Variants in RNLS observed in about 807,000 individuals in gnomAD.
RNLS encodes the protein renalase.
Under a neutral mutation model 39.8 loss-of-function variants are expected in RNLS, and 39 were observed. The ratio of observed to expected loss-of-function variants is 0.98; its 90% confidence interval spans 0.76 to 1.28. The LOEUF (loss-of-function observed/expected upper bound fraction) is 1.28. Among genes scored for constraint, RNLS ranks in the 50% most tolerant of loss-of-function variants. The probability of loss-of-function intolerance (pLI) is 0.00; values close to 1 mark genes in which losing one functional copy is unlikely to be tolerated. For missense variants in RNLS, 410 were observed against 413.3 expected (o/e 0.99, Z 0.07); for synonymous variants, 147 against 150.7 (o/e 0.98, Z 0.18).
At chr10:88,507,024 A>G (rs1311411425) in intron 4 of RNLS, among the ~76,000 whole-genome samples, 1 of 152,154 alleles carries the variant, frequency 6.6e-6, no homozygotes, top group Non-Finnish European at 1.5e-5. Context: ...CAGAGAGTCA[A>G]TAACATCATC....
intron 4 of RNLS, among the ~76,000 whole-genome samples, chr10:88,542,118 T>C (rs1169483444): frequency 6.6e-6 from 1 of 152,152 alleles, no homozygotes; most frequent in African/African-American, 2.4e-5. Flanking sequence ...CCCTGTGATA[T>C]AAAAACTTCA....
At chr10:88,420,347 C>T (rs1419665814) in intron 4 of RNLS, among the ~76,000 whole-genome samples, 2 of 152,130 alleles carry the variant, frequency 1.3e-5, no homozygotes, top group Admixed American at 1.3e-4. Flanking sequence ...ATACAGCTAT[C>T]TTAGTTTTCT....
At chr10:88,358,492 G>C (rs1440967673) in intron 5 of RNLS, among the ~76,000 whole-genome samples, 1 of 152,146 alleles carries the variant, frequency 6.6e-6, no homozygotes, top group Non-Finnish European at 1.5e-5. Flanking sequence ...TTTTCTGTAG[G>C]AATATCCTTT....
At chr10:88,453,296 T>C (rs1037799213) in intron 4 of RNLS, among the ~76,000 whole-genome samples, 6 of 152,238 alleles carry the variant, frequency 3.9e-5, no homozygotes, top group Non-Finnish European at 7.3e-5. Context: ...AAGGGTCATA[T>C]GTTCAGCTCA....
the RNLS span, among the ~76,000 whole-genome samples, chr10:88,215,691 ATTTTTTTTT>A: frequency 9.4e-5 from 9 of 95,432 alleles, no homozygotes; most frequent in African/African-American, 3.7e-4. Context: ...ACCATCTGTA[ATTTTTTTTT>A]TTTTTTTTTT....
intron 4 of RNLS, among the ~76,000 whole-genome samples, chr10:88,389,725 A>G (rs1370931972): frequency 6.6e-6 from 1 of 152,350 alleles, no homozygotes; most frequent in Middle Eastern, 3.4e-3. Flanking sequence ...AAGGAGCAAC[A>G]TTAAATACAA....
intron 4 of RNLS, among the ~76,000 whole-genome samples, chr10:88,543,514 T>C (rs1848150165): frequency 6.6e-6 from 1 of 152,208 alleles, no homozygotes; most frequent in African/African-American, 2.4e-5. Flanking sequence ...GGCTGTCTAG[T>C]TGTGAAAGTT....
At chr10:88,515,588 C>T (rs1453384160) in intron 4 of RNLS, among the ~76,000 whole-genome samples, 1 of 152,034 alleles carries the variant, frequency 6.6e-6, no homozygotes, top group East Asian at 1.9e-4. Flanking sequence ...GCACTCTGAT[C>T]AGAACATCAC....
intron 4 of RNLS, among the ~76,000 whole-genome samples, chr10:88,372,583 A>C (rs1427559153): frequency 3.3e-5 from 5 of 152,160 alleles, no homozygotes; most frequent in Non-Finnish European, 4.4e-5. Context: ...TTAGAAAAAA[A>C]TGAACATTTT....
At chr10:88,248,005 A>G in the RNLS span, among the ~76,000 whole-genome samples, 11 of 152,204 alleles carry the variant, frequency 7.2e-5, no homozygotes, top group Non-Finnish European at 1.6e-4. Context: ...CCTTGATGTG[A>G]GCTCAGAGAT....
chr10:88,284,885 A>G lies in RNLS; in HGVS notation c.*469T>C. 1.0e-6 allele frequency: 1 copy of G among 985,858 alleles called. No homozygotes were observed. Among genetic ancestry groups the G allele is most frequent in the Non-Finnish European group, 1.2e-6 (1 of 830,238 alleles). The allele number at this position is 985,858 out of a possible 1,614,324, so 61.1% of individuals were successfully genotyped here. A position where few individuals can be genotyped will look rare whatever the true frequency, so the allele number is the denominator to read the frequency against. Reference sequence around the variant, plus strand: ...TGAGAAATAAGAATTACACTCTGTTACCTACATTTTGGAAAAATCTTGTTT... The same window carrying G: ...TGAGAAATAAGAATTACACTCTGTTGCCTACATTTTGGAAAAATCTTGTTT... On this transcript the variant is annotated 3_prime_UTR_variant, in exon 7 of 7. Coordinates refer to ENST00000331772, the MANE Select transcript of RNLS (RefSeq NM_001031709.3).
intron 4 of RNLS, among the ~76,000 whole-genome samples, chr10:88,381,483 A>G (rs1589696900): frequency 6.7e-6 from 1 of 148,550 alleles, no homozygotes; most frequent in Non-Finnish European, 1.5e-5. Flanking sequence ...TTGTATGTGT[A>G]TTTATATATA....
chr10:88,445,442 A>C (rs4596981), intron 4 of RNLS, among the ~76,000 whole-genome samples: 106,015 of 152,058 alleles, frequency 0.7, 37,878 homozygotes, highest in African/African-American at 0.85. Context: ...ATCATAATGA[A>C]AGGATCAAAT....
chr10:88,422,878 C>G (rs974944692), intron 4 of RNLS, among the ~76,000 whole-genome samples: 1 of 152,162 alleles, frequency 6.6e-6, no homozygotes, highest in African/African-American at 2.4e-5. Flanking sequence ...ATCCTCCCGC[C>G]TCAGCCTCCT....
At chr10:88,304,403 G>A (rs1844766808) in intron 6 of RNLS, among the ~76,000 whole-genome samples, 1 of 152,216 alleles carries the variant, frequency 6.6e-6, no homozygotes, top group Non-Finnish European at 1.5e-5. Context: ...AGAACACTGA[G>A]CTTCATGTTG....
chr10:88,355,507 G>T (rs950961861), intron 5 of RNLS, among the ~76,000 whole-genome samples: 1 of 152,232 alleles, frequency 6.6e-6, no homozygotes, highest in African/African-American at 2.4e-5. Context: ...GGTATCAGCA[G>T]TGGAGGCTGC....
At chr10:88,448,525 A>C (rs1461641537) in intron 4 of RNLS, among the ~76,000 whole-genome samples, 1 of 152,202 alleles carries the variant, frequency 6.6e-6, no homozygotes, top group Non-Finnish European at 1.5e-5. Flanking sequence ...GATGTGGAGA[A>C]ATAGGAACAC....
the RNLS span, among the ~76,000 whole-genome samples, chr10:88,254,561 C>T: frequency 6.6e-6 from 1 of 152,320 alleles, no homozygotes; most frequent in African/African-American, 2.4e-5. Context: ...TATTCCTGCT[C>T]TTGATTTCTG....
intron 6 of RNLS, among the ~76,000 whole-genome samples, chr10:88,287,946 T>A (rs769134989): frequency 6.6e-6 from 1 of 152,012 alleles, no homozygotes; most frequent in African/African-American, 2.4e-5. Context: ...GGATGCTATA[T>A]AAAAACTCAA....
Sources: allele counts gnomAD v4.1 joint callset (sites outside exome capture counted in the v4.1 genomes callset), GRCh38; gene constraint gnomAD v4.1.1; transcripts MANE v1.5; gene names NCBI Gene and HGNC (gene_info 2026-07-23, HGNC 2026-07-21).